Variants in LAMB4 observed in about 807,000 individuals in gnomAD.
LAMB4 encodes the protein laminin subunit beta-4.
In LAMB4, 196 loss-of-function variants were observed where a neutral mutation model predicts 199.2. The ratio of observed to expected loss-of-function variants is 0.98; its 90% confidence interval spans 0.88 to 1.11. The LOEUF is 1.11. Ranked by LOEUF, LAMB4 falls within the 50% of genes least tolerant of loss-of-function variation. The pLI is 0.00. For missense variants in LAMB4, 2,080 were observed against 2,171.2 expected (o/e 0.96, Z 0.83); for synonymous variants, 744 against 770.6 (o/e 0.97, Z 0.57).
intron 28 of LAMB4, chr7:108,044,300 A>C: frequency 6.4e-6 from 1 of 156,116 alleles, no homozygotes. Context: ...GTAAGTTAAA[A>C]TGTTACTCTT....
rs2035846247 is a variant in LAMB4, at chr7:108,052,135, AT to A, written c.3877del (p.Ile1293LeufsTer54). Reference protein sequence around the residue: ...DLLLEDLQEEIDLQSSVLNAS... With the variant: ...DLLLEDLQEEXDLQSSVLNAS... ...ATTAAGGACACTGGATTGCAAATCA[AT>A]TTCTTCCTGAAGGTCTTCAAGTAAG... On this transcript the variant is annotated frameshift_variant, in exon 26 of 34. Transcript: ENST00000388781. LOFTEE classifies it high-confidence loss of function. 1.2e-6 allele frequency: 2 copies of A among 1,612,144 alleles called. No individual in the cohort carries two copies. Among genetic ancestry groups the A allele is most frequent in the Admixed American group, 1.7e-5 (1 of 59,752 alleles).
intron 33 of LAMB4, among the ~76,000 whole-genome samples, chr7:108,028,472 ATTTTTTTTTT>A (rs1195925912): frequency 8.9e-6 from 1 of 111,816 alleles, no homozygotes; most frequent in Non-Finnish European, 1.8e-5. Flanking sequence ...AAAAAAGGGC[ATTTTTTTTTT>A]TTTTTTTTTT....
intron 14 of LAMB4, among the ~76,000 whole-genome samples, chr7:108,083,227 T>G (rs1209713615): frequency 6.6e-6 from 1 of 152,150 alleles, no homozygotes; most frequent in Non-Finnish European, 1.5e-5. Flanking sequence ...TAAGAGTGTA[T>G]GTTCACAGTC....
chr7:108,128,263 C>T (rs2038863720), intron 1 of LAMB4, among the ~76,000 whole-genome samples: 1 of 152,126 alleles, frequency 6.6e-6, no homozygotes, highest in Non-Finnish European at 1.5e-5. Context: ...AACCCTATGT[C>T]TTGTTCGCTG....
Position 108,034,217 on chromosome 7 carries a change from A to G in LAMB4, c.4809T>C (p.Asn1603=). ...LTANITKIKK[N]VLQAENQTRE... ...CAAAGAAGACAAATACCTGCAGCAC[A>G]TTCTTTTTTATTTTTGTTATATTGG... is the stretch of plus-strand genomic sequence containing the variant. The change falls in exon 31 of 34, where the codon AAT becomes AAC. Residue 1603 remains asparagine (N), a synonymous_variant. Coordinates refer to ENST00000388781, the MANE Select transcript of LAMB4 (RefSeq NM_007356.3). 1 of 1,614,024 alleles carries G rather than the reference A, an allele frequency of 6.2e-7. No individual in the cohort carries two copies. The highest frequency in any genetic ancestry group is 8.5e-7 in the Non-Finnish European group (1 of 1,179,958).
chr7:108,055,558 G>T, intron 25 of LAMB4, 74 bp downstream of exon 25: 1 of 1,420,706 alleles, frequency 7.0e-7, no homozygotes. Context: ...ATTGAAGGCT[G>T]ACGATGTTAA....
intron 25 of LAMB4, among the ~76,000 whole-genome samples, chr7:108,053,917 A>G (rs1275981868): frequency 1.3e-5 from 2 of 152,218 alleles, no homozygotes; most frequent in African/African-American, 4.8e-5. Flanking sequence ...AGCTGTATAC[A>G]TTTTGAAGTG....
At chr7:108,126,892 A>G (rs1350774985) in intron 1 of LAMB4, among the ~76,000 whole-genome samples, 1 of 152,104 alleles carries the variant, frequency 6.6e-6, no homozygotes, top group Non-Finnish European at 1.5e-5. Context: ...AGGCTGAATA[A>G]TATACCATTG....
intron 11 of LAMB4, among the ~76,000 whole-genome samples, chr7:108,096,792 A>T (rs999510866): frequency 6.7e-6 from 1 of 150,294 alleles, no homozygotes; most frequent in Admixed American, 6.6e-5. Flanking sequence ...AAAAAATTAG[A>T]TGGCTGTGGT....
intron 25 of LAMB4, among the ~76,000 whole-genome samples, chr7:108,053,034 A>G (rs1459312978): frequency 1.3e-5 from 2 of 152,204 alleles, no homozygotes; most frequent in African/African-American, 4.8e-5. Flanking sequence ...TCTAATCTAT[A>G]GACTCTTCCT....
Position 108,105,896 on chromosome 7 carries a change from C to G in LAMB4, c.791G>C (p.Ser264Thr), listed in dbSNP as rs773328920. ...GCTAGCATGGCCATTGCAAAAGCAGCTTCCCCGAACAATCATCTCGTACAG... is the reference window on the plus strand; with the variant it reads ...GCTAGCATGGCCATTGCAAAAGCAGGTTCCCCGAACAATCATCTCGTACAG... ...YALYEMIVRGSCFCNGHASEC... is the reference protein window; with the variant it reads ...YALYEMIVRGTCFCNGHASEC... Residue 264 changes from serine (S) to threonine (T), a missense_variant, in exon 8 of 34, where the codon AGC (serine) becomes ACC (threonine). By Grantham distance (58) the Ser-to-Thr change is moderately conservative (BLOSUM62 1). Coordinates refer to ENST00000388781, the MANE Select transcript of LAMB4 (RefSeq NM_007356.3). 6.2e-7 allele frequency: 1 copy of G among 1,614,242 alleles called. No individual in the cohort carries two copies. Among genetic ancestry groups the G allele is most frequent in the Non-Finnish European group, 8.5e-7 (1 of 1,180,044 alleles).
At chr7:108,120,124 G>A (rs2038548128) in intron 2 of LAMB4, among the ~76,000 whole-genome samples, 1 of 152,060 alleles carries the variant, frequency 6.6e-6, no homozygotes, top group East Asian at 1.9e-4. Flanking sequence ...ACAGGGATGG[G>A]CCTATAATAA....
At chr7:108,129,589 G>A (rs1255047238) in intron 1 of LAMB4, among the ~76,000 whole-genome samples, 3 of 150,170 alleles carry the variant, frequency 2.0e-5, no homozygotes, top group Non-Finnish European at 4.4e-5. Context: ...CCAGGCTGTA[G>A]TACAGTGGCA....
At chr7:108,066,309 T>C in intron 20 of LAMB4, 60 bp downstream of exon 20, 4 of 1,231,664 alleles carry the variant, frequency 3.2e-6, no homozygotes, top group Non-Finnish European at 4.7e-6. Flanking sequence ...TGGATCTCTA[T>C]TAGGAGATTG....
intron 6 of LAMB4, 147 bp from the exon 7 acceptor site, chr7:108,106,719 C>T: frequency 1.8e-6 from 1 of 550,196 alleles, no homozygotes; most frequent in South Asian, 2.2e-5. Flanking sequence ...CATGCACCAC[C>T]ATGCCCAGCT....
chr7:108,022,900 C>A (rs1584568828), downstream of LAMB4, among the ~76,000 whole-genome samples: 1 of 152,158 alleles, frequency 6.6e-6, no homozygotes, highest in South Asian at 2.1e-4. Flanking sequence ...GCAACCCCTT[C>A]CTCCTGGATT....
At chr7:108,112,886 TCCTAGCCATGGCTCACAA>T in intron 3 of LAMB4, among the ~76,000 whole-genome samples, 3 of 152,342 alleles carry the variant, frequency 2.0e-5, no homozygotes, top group Admixed American at 2.0e-4. Context: ...TGCTTGTATG[TCCTAGCCATGGCTCACAA>T]GGCCCAACAT....
Position 108,109,501 on chromosome 7 carries a change from T to A in LAMB4, c.329-257A>T, listed in dbSNP as rs545084293. On this transcript the variant is annotated intron_variant, in intron 4 of 33. Transcript: ENST00000388781. ...ACACATGGCCACTATGTGGCAGCAT[T>A]ACATATGACCAAGGGAGTTTCAGGA... 7.6e-4 allele frequency among the ~76,000 whole-genome samples: 115 copies of A among 152,308 alleles called. 1 individual carries two copies. Among genetic ancestry groups the A allele is most frequent in the Non-Finnish European group, 1.3e-3 (86 of 68,026 alleles).
the LAMB4 span, among the ~76,000 whole-genome samples, chr7:108,014,459 G>A: frequency 4.0e-5 from 6 of 151,694 alleles, no homozygotes; most frequent in Non-Finnish European, 8.8e-5. Flanking sequence ...AGTTGAGAAA[G>A]TTGTTTTTTT....
Sources: allele counts gnomAD v4.1 joint callset (sites outside exome capture counted in the v4.1 genomes callset), GRCh38; gene constraint gnomAD v4.1.1; transcripts MANE v1.5; gene names NCBI Gene and HGNC (gene_info 2026-07-23, HGNC 2026-07-21).